ESF1: variants seen among roughly 807,000 people sequenced by gnomAD.
ESF1 encodes ESF1 nucleolar pre-rRNA processing protein.
A neutral mutation model predicts 92.0 loss-of-function variants in ESF1; 58 were observed. That is an observed-to-expected ratio of 0.63 (90% CI 0.51 to 0.78). The LOEUF is 0.78. Among genes scored for constraint, ESF1 ranks in the 30% least tolerant of loss-of-function variants. The probability of loss-of-function intolerance (pLI) is 0.00; values close to 1 mark genes in which losing one functional copy is unlikely to be tolerated. For synonymous variants in ESF1, 321 were observed against 313.7 expected, an observed-to-expected ratio of 1.02 and a Z score of -0.24; for missense variants, 922 against 989.1, an observed-to-expected ratio of 0.93 and a Z score of 0.91.
intron 2 of ESF1, among the ~76,000 whole-genome samples, chr20:13,778,111 G>A (rs1036924923): frequency 1.3e-5 from 2 of 152,094 alleles, no homozygotes; most frequent in East Asian, 3.9e-4. Context: ...CCTGCAGAGA[G>A]GTATTTATAA....
chr20:13,782,288 T>G (rs1386200857), intron 2 of ESF1, among the ~76,000 whole-genome samples: 2 of 152,206 alleles, frequency 1.3e-5, no homozygotes, highest in African/African-American at 2.4e-5. Context: ...AAATCACTGT[T>G]TAACTTCAAG....
chr20:13,756,451 T>C (rs1324345522), intron 9 of ESF1, among the ~76,000 whole-genome samples: 1 of 152,200 alleles, frequency 6.6e-6, no homozygotes, highest in Non-Finnish European at 1.5e-5. Flanking sequence ...CTCTTACTGA[T>C]TGTTGAAGGT....
rs906576272 is a variant in ESF1 at position 13,783,079 on chromosome 20, C to T, written c.62G>A (p.Arg21Lys). 8.1e-6 allele frequency: 13 copies of T among 1,613,822 alleles called. No homozygotes were observed. Among genetic ancestry groups the T allele is most frequent in the Non-Finnish European group, 9.3e-6 (11 of 1,180,004 alleles). The change falls in exon 2 of 14, where the codon AGA (arginine) becomes AAA (lysine). Residue 21 changes from arginine to lysine, a missense_variant. Coordinates refer to ENST00000617257, the MANE Select transcript of ESF1 (RefSeq NM_001276380.2). ...ATCCTTTTCTGGCATTTCCCAAAATCTCGGGTCCTTTGCAACCCGTCTAAA... is the reference window on the plus strand; with the variant it reads ...ATCCTTTTCTGGCATTTCCCAAAATTTCGGGTCCTTTGCAACCCGTCTAAA... ...QRFRRVAKDP[R>K]FWEMPEKDRK... is the part of the protein sequence containing the mutation.
At position 13,782,628 on chromosome 20, in the gene ESF1, GT is replaced by G. The variant is rs745713173; in HGVS notation, c.512del (p.Asn171ThrfsTer18). On this transcript the variant is annotated frameshift_variant, in exon 2 of 14. Coordinates refer to ENST00000617257, the MANE Select transcript of ESF1 (RefSeq NM_001276380.2). LOFTEE classifies it high-confidence loss of function. ...FTQKNKKEKK[N>X]IVQHTTDSSL... ...AAGAGTCTGTAGTATGTTGAACAAT[GT>G]TTTTTTTCTCTTTCTTATTTTTTTG... The G allele has an allele frequency of 1.9e-5, 30 of 1,605,864 alleles. No homozygotes were observed. Among genetic ancestry groups the G allele is most frequent in the African/African-American group, 1.6e-4 (12 of 74,250 alleles).
chr20:13,760,736 C>T (rs1423171800), intron 8 of ESF1, among the ~76,000 whole-genome samples: 17 of 151,466 alleles, frequency 1.1e-4, no homozygotes, highest in Non-Finnish European at 2.4e-4. Flanking sequence ...ACCGGCCAGC[C>T]GCCCCGTCCG....
intron 9 of ESF1, among the ~76,000 whole-genome samples, chr20:13,737,802 CG>C (rs2049984755): frequency 6.6e-6 from 1 of 151,680 alleles, no homozygotes. Flanking sequence ...TACAGGCGCA[CG>C]CCACCATGCC....
Position 13,741,500 on chromosome 20 carries a change from G to A in ESF1, c.1829-7658C>T, listed in dbSNP as rs933603285. On this transcript the variant is annotated intron_variant, in intron 9 of 13. Transcript: ENST00000617257. ...CACAGAGCCAAGCAACAAACCCACA[G>A]TTCTGAAACTCTGGTACATGAGAGG... 2.6e-5 allele frequency among the ~76,000 whole-genome samples: 4 copies of A among 152,076 alleles called. No homozygotes were observed. In the South Asian group the frequency reaches 6.2e-4, roughly 24 times the overall value.
At chr20:13,779,887 T>C (rs1344673582) in intron 2 of ESF1, among the ~76,000 whole-genome samples, 1 of 152,160 alleles carries the variant, frequency 6.6e-6, no homozygotes, top group Admixed American at 6.5e-5. Context: ...TTTGCACACA[T>C]CCAATTATTT....
Position 13,783,451 on chromosome 20 carries a change from G to A in ESF1, c.-43-268C>T, listed in dbSNP as rs28372963. 2.2e-3 allele frequency among the ~76,000 whole-genome samples: 340 copies of A among 152,234 alleles called. 5 individuals carry two copies. In the East Asian group the frequency reaches 0.045, roughly 20 times the overall value. On this transcript the variant is annotated intron_variant, in intron 1 of 13. Coordinates refer to ENST00000617257, the MANE Select transcript of ESF1 (RefSeq NM_001276380.2). Reference sequence around the variant, plus strand: ...AGCAGAATCCCAGGGCTTTATGGAGGGGAACAAATGTTTATTCATCCATTG... The same window carrying A: ...AGCAGAATCCCAGGGCTTTATGGAGAGGAACAAATGTTTATTCATCCATTG...
intron 9 of ESF1, among the ~76,000 whole-genome samples, chr20:13,746,282 A>ATATATATATATATATAAAATTATATAT (rs2050047748): frequency 1.3e-5 from 2 of 152,296 alleles, no homozygotes; most frequent in South Asian, 4.1e-4. Flanking sequence ...TTTTTCTTTA[A>ATATATATATATATATAAAATTATATAT]ACTGTAAATA....
At chr20:13,771,549 AAT>A in intron 5 of ESF1, 66 bp from the exon 6 acceptor site, 1 of 1,312,542 alleles carries the variant, frequency 7.6e-7, no homozygotes, top group Non-Finnish European at 1.1e-6. Context: ...TTAAAAAATA[AAT>A]GTAATTCTTT....
At chr20:13,729,074 C>T (rs1280390398) in intron 10 of ESF1, among the ~76,000 whole-genome samples, 3 of 152,194 alleles carry the variant, frequency 2.0e-5, no homozygotes, top group Non-Finnish European at 4.4e-5. Flanking sequence ...GCCTGGCCAA[C>T]AGGGTGAAAC....
intron 9 of ESF1, among the ~76,000 whole-genome samples, chr20:13,748,706 C>A (rs1039144986): frequency 3.3e-5 from 5 of 150,502 alleles, no homozygotes; most frequent in Admixed American, 3.3e-4. Context: ...GCTGCCTCAG[C>A]CTCCTGAGTA....
intron 13 of ESF1, among the ~76,000 whole-genome samples, 191 bp downstream of exon 13, chr20:13,717,177 C>G (rs769487109): frequency 1.3e-5 from 2 of 151,776 alleles, no homozygotes; most frequent in Non-Finnish European, 2.9e-5. Context: ...AGGCTGGTCT[C>G]CAACTCCTGG....
intron 10 of ESF1, among the ~76,000 whole-genome samples, chr20:13,732,280 G>C (rs554542399): frequency 6.6e-6 from 1 of 152,148 alleles, no homozygotes; most frequent in Non-Finnish European, 1.5e-5. Flanking sequence ...CTACCCATTT[G>C]GTCACAGAAG....
chr20:13,716,156 T>C (rs2049823359), intron 13 of ESF1, among the ~76,000 whole-genome samples: 1 of 152,166 alleles, frequency 6.6e-6, no homozygotes, highest in East Asian at 1.9e-4. Context: ...TTTCCCAAAT[T>C]TCCCCCATCT....
At chr20:13,764,636 T>C (rs1391277540) in intron 8 of ESF1, among the ~76,000 whole-genome samples, 1 of 152,176 alleles carries the variant, frequency 6.6e-6, no homozygotes, top group African/African-American at 2.4e-5. Flanking sequence ...TGTATTCTTA[T>C]AATAAACTAG....
At position 13,718,971 on chromosome 20, in the gene ESF1, T is replaced by C; in HGVS notation, c.2052A>G (p.Lys684=). 1 of 1,604,002 alleles carries C rather than the reference T, an allele frequency of 6.2e-7. No individual in the cohort carries two copies. Among genetic ancestry groups the C allele is most frequent in the Non-Finnish European group, 8.5e-7 (1 of 1,176,998 alleles). The change falls in exon 12 of 14, where the codon AAA becomes AAG. Residue 684 remains lysine (K), a synonymous_variant. Transcript: ENST00000617257. ...EEVKQIGINK[K]SVKSAKDGTS... ...TGCCATCTTTTGCAGATTTTACCGA[T>C]TTTTTATTTATACCTGGCACAACAA...
intron 11 of ESF1, among the ~76,000 whole-genome samples, chr20:13,721,364 G>A (rs1358840457): frequency 3.3e-5 from 5 of 152,118 alleles, no homozygotes; most frequent in Non-Finnish European, 7.3e-5. Context: ...GGTTAAAATC[G>A]TCTCTCATGT....
Sources: allele counts gnomAD v4.1 joint callset (sites outside exome capture counted in the v4.1 genomes callset), GRCh38; gene constraint gnomAD v4.1.1; transcripts MANE v1.5; gene names NCBI Gene and HGNC (gene_info 2026-07-23, HGNC 2026-07-21).